CALN1: variants seen among roughly 807,000 people sequenced by gnomAD.
The protein encoded by CALN1 is calneuron 1, also known as calcium-binding protein 8.
Under a neutral mutation model 30.6 loss-of-function variants are expected in CALN1, and 17 were observed. The ratio of observed to expected loss-of-function variants is 0.56; its 90% CI spans 0.38 to 0.83. CALN1 has a LOEUF of 0.83. CALN1 is among the 40% of genes least tolerant of loss of function. CALN1 has a pLI of 0.00. For synonymous variants in CALN1, 156 were observed against 131.4 expected, an observed-to-expected ratio of 1.19 and a Z score of -1.28; for missense variants, 291 against 354.9, an observed-to-expected ratio of 0.82 and a Z score of 1.45.
intron 5 of CALN1, among the ~76,000 whole-genome samples, chr7:71,891,064 A>C (rs1361152170): frequency 6.6e-6 from 1 of 151,936 alleles, no homozygotes; most frequent in Non-Finnish European, 1.5e-5. Flanking sequence ...CTAACTTTCA[A>C]CCTAAATGTC....
At chr7:72,492,718 T>C in the CALN1 span, among the ~76,000 whole-genome samples, 5 of 152,188 alleles carry the variant, frequency 3.3e-5, no homozygotes, top group Admixed American at 6.5e-5. Flanking sequence ...CTGGTCATTA[T>C]CTGTGAATGG....
At chr7:72,237,578 GGA>G (rs375993004) in intron 3 of CALN1, among the ~76,000 whole-genome samples, 5 of 152,252 alleles carry the variant, frequency 3.3e-5, no homozygotes, top group African/African-American at 9.6e-5. Context: ...ATTAAACCAA[GGA>G]GAGTCTTCAC....
chr7:72,319,473 C>A (rs1800721871), intron 2 of CALN1, among the ~76,000 whole-genome samples: 1 of 152,174 alleles, frequency 6.6e-6, no homozygotes, highest in Non-Finnish European at 1.5e-5. Context: ...ATTCAACTAC[C>A]TCCCACTGGG....
chr7:72,428,272 A>G (rs1456675326), intron 1 of CALN1, among the ~76,000 whole-genome samples: 2 of 152,260 alleles, frequency 1.3e-5, no homozygotes, highest in Non-Finnish European at 2.9e-5. Context: ...TGGACAATAT[A>G]CAAAAGAGAA....
chr7:72,473,942 A>AT, the CALN1 span, among the ~76,000 whole-genome samples: 4 of 149,108 alleles, frequency 2.7e-5, no homozygotes, highest in Non-Finnish European at 1.5e-5. Flanking sequence ...AAAAAAAAAA[A>AT]GAAAGAAAGA....
At chr7:72,403,007 T>C (rs1433046976) in intron 2 of CALN1, among the ~76,000 whole-genome samples, 1 of 152,136 alleles carries the variant, frequency 6.6e-6, no homozygotes, top group Non-Finnish European at 1.5e-5. Flanking sequence ...AACAAGCATG[T>C]CCCTCCCCAA....
chr7:72,353,186 C>A (rs755087365), intron 2 of CALN1, among the ~76,000 whole-genome samples: 1 of 152,116 alleles, frequency 6.6e-6, no homozygotes, highest in East Asian at 1.9e-4. Flanking sequence ...GCGCTAATAC[C>A]AATCTCATAA....
chr7:72,057,101 C>T lies in CALN1; in HGVS notation c.389-33332G>A, dbSNP rs567845173. On this transcript the variant is annotated intron_variant, in intron 4 of 6. Transcript: ENST00000395275. Reference sequence around the variant, plus strand: ...GATTACAAGCACATGCCACCAAGCCCACCTGTTTTTTAAAAAAAAAAAGTT... The same window carrying T: ...GATTACAAGCACATGCCACCAAGCCTACCTGTTTTTTAAAAAAAAAAAGTT... Among the ~76,000 whole-genome samples the T allele has an allele frequency of 1.9e-3, 173 of 91,760 alleles. 1 individual carries two copies. Among genetic ancestry groups the T allele is most frequent in the African/African-American group, 6.6e-3 (158 of 24,006 alleles). 60.2% of individuals were successfully genotyped at this position (91,760 alleles called of 152,430 possible). A position where few individuals can be genotyped will look rare whatever the true frequency, so the allele number is the denominator to read the frequency against.
At chr7:72,081,297 A>G (rs1007991486) in intron 4 of CALN1, among the ~76,000 whole-genome samples, 6 of 152,018 alleles carry the variant, frequency 3.9e-5, no homozygotes, top group African/African-American at 1.4e-4. Flanking sequence ...AAGACAAGCC[A>G]AAAGAAACTA....
At chr7:71,791,875 T>G (rs6944049) in intron 6 of CALN1, among the ~76,000 whole-genome samples, 2,553 of 152,106 alleles carry the variant, frequency 0.017, 75 homozygotes, top group East Asian at 0.1. Flanking sequence ...GCCGGGCGTG[T>G]TGGCGGGCGC....
chr7:72,226,884 AC>A (rs961311122), intron 3 of CALN1, among the ~76,000 whole-genome samples: 1 of 151,930 alleles, frequency 6.6e-6, no homozygotes, highest in Non-Finnish European at 1.5e-5. Flanking sequence ...TCTACAAAAA[AC>A]AATTAGCCAC....
At chr7:72,320,077 T>C (rs1014032152) in intron 2 of CALN1, among the ~76,000 whole-genome samples, 1 of 151,914 alleles carries the variant, frequency 6.6e-6, no homozygotes, top group African/African-American at 2.4e-5. Context: ...GCTGAGATCG[T>C]GCCGTTACAC....
chr7:72,010,614 C>G (rs1800015116), intron 5 of CALN1, among the ~76,000 whole-genome samples: 1 of 149,788 alleles, frequency 6.7e-6, no homozygotes, highest in Admixed American at 6.7e-5. Context: ...GAGTTCAAGA[C>G]CAGCCTGACC....
At chr7:72,083,484 C>T (rs142121813) in intron 4 of CALN1, among the ~76,000 whole-genome samples, 3 of 151,662 alleles carry the variant, frequency 2.0e-5, no homozygotes, top group Non-Finnish European at 2.9e-5. Flanking sequence ...TTTGTAAGGC[C>T]GAGACAGGAG....
intron 3 of CALN1, among the ~76,000 whole-genome samples, chr7:72,206,326 T>C (rs181808696): frequency 3.9e-4 from 59 of 152,376 alleles, no homozygotes; most frequent in Middle Eastern, 6.8e-3. Context: ...TCTGTACTTA[T>C]GACGTCTCAA....
chr7:71,998,092 T>C (rs1280206959), intron 5 of CALN1, among the ~76,000 whole-genome samples: 2 of 152,114 alleles, frequency 1.3e-5, no homozygotes, highest in Non-Finnish European at 1.5e-5. Context: ...CCCAAAGTGC[T>C]GGGATTATAG....
intron 5 of CALN1, among the ~76,000 whole-genome samples, chr7:71,926,083 C>A (rs1311265645): frequency 3.9e-5 from 6 of 152,162 alleles, no homozygotes; most frequent in Admixed American, 3.9e-4. Flanking sequence ...GGCCTTGAAG[C>A]CTCAGTTTGG....
rs3065015 is a variant in CALN1 at position 72,079,761 on chromosome 7, CTTTT to C, written c.388+26386_388+26389del. ...AAATGCCCAAGAGGTTGCCTTTTTC[CTTTT>C]TTTTTTTTTTTTTTTTTTTTTTGGA... On this transcript the variant is annotated intron_variant, in intron 4 of 6. Coordinates refer to ENST00000395275, the MANE Select transcript of CALN1 (RefSeq NM_031468.4). 9.0e-3 allele frequency among the ~76,000 whole-genome samples: 940 copies of C among 103,980 alleles called. 7 individuals are homozygous for C. Among genetic ancestry groups the C allele is most frequent in the South Asian group, 0.017 (49 of 2,892 alleles). 68.2% of individuals were successfully genotyped at this position (103,980 alleles called of 152,430 possible). A position where few individuals can be genotyped will look rare whatever the true frequency, so the allele number is the denominator to read the frequency against.
chr7:72,158,873 T>TG (rs1452427909), intron 3 of CALN1, among the ~76,000 whole-genome samples: 1 of 152,128 alleles, frequency 6.6e-6, no homozygotes, highest in Non-Finnish European at 1.5e-5. Flanking sequence ...TTTGTTTGTT[T>TG]TTGAGATGGA....
Sources: allele counts gnomAD v4.1 joint callset (sites outside exome capture counted in the v4.1 genomes callset), GRCh38; gene constraint gnomAD v4.1.1; transcripts MANE v1.5; gene names NCBI Gene and HGNC (gene_info 2026-07-23, HGNC 2026-07-21).